The following TDRD3 variants were observed in gnomAD, a reference collection of about 807,000 sequenced individuals.
TDRD3 encodes the protein tudor domain containing 3.
TDRD3 carries 45 observed loss-of-function variants against 86.7 expected under a neutral mutation model. That is an observed-to-expected ratio of 0.52 (90% CI 0.41 to 0.67). The LOEUF (loss-of-function observed/expected upper bound fraction) is 0.67. Among genes scored for constraint, TDRD3 ranks in the 30% least tolerant of loss-of-function variants. TDRD3 has a pLI of 0.00. For synonymous variants in TDRD3, 298 were observed against 301.7 expected, an observed-to-expected ratio of 0.99 and a Z score of 0.13; for missense variants, 814 against 889.0, an observed-to-expected ratio of 0.92 and a Z score of 1.07.
intron 7 of TDRD3, among the ~76,000 whole-genome samples, chr13:60,489,878 G>A (rs908255926): frequency 5.9e-5 from 9 of 151,970 alleles, no homozygotes; most frequent in African/African-American, 2.2e-4. Flanking sequence ...ATAGAAAGAT[G>A]TTCTTTTGAT....
chr13:60,538,731 C>G (rs745900232), intron 12 of TDRD3, among the ~76,000 whole-genome samples: 13 of 152,052 alleles, frequency 8.5e-5, no homozygotes, highest in African/African-American at 1.2e-4. Context: ...AACTCTAAAA[C>G]GAATTCCAGG....
At chr13:60,509,100 G>A (rs906994592) in intron 8 of TDRD3, among the ~76,000 whole-genome samples, 2 of 152,110 alleles carry the variant, frequency 1.3e-5, no homozygotes, top group Non-Finnish European at 2.9e-5. Context: ...TTAAAGTTTT[G>A]TTTTTCTCAG....
At chr13:60,452,412 ATTC>A (rs1241790394) in intron 3 of TDRD3, among the ~76,000 whole-genome samples, 7 of 151,980 alleles carry the variant, frequency 4.6e-5, no homozygotes, top group East Asian at 1.9e-4. Flanking sequence ...TATATATTCT[ATTC>A]TTCTTCTTAT....
intron 11 of TDRD3, among the ~76,000 whole-genome samples, chr13:60,530,606 A>T (rs532131892): frequency 4.2e-4 from 63 of 150,234 alleles, no homozygotes; most frequent in African/African-American, 1.4e-3. Context: ...ATGCCCAGCT[A>T]ATTTTTTGTA....
chr13:60,514,583 A>C (rs1344746209), intron 10 of TDRD3, among the ~76,000 whole-genome samples: 2 of 152,048 alleles, frequency 1.3e-5, no homozygotes. Flanking sequence ...GTTAAGACTG[A>C]GGGGAAGTGT....
intron 13 of TDRD3, among the ~76,000 whole-genome samples, chr13:60,572,117 A>C (rs1958600043): frequency 6.6e-6 from 1 of 152,172 alleles, no homozygotes; most frequent in Non-Finnish European, 1.5e-5. Flanking sequence ...GATACTAATT[A>C]GTAGGAGCAG....
At chr13:60,477,297 C>T (rs1247432784) in intron 5 of TDRD3, among the ~76,000 whole-genome samples, 1 of 151,884 alleles carries the variant, frequency 6.6e-6, no homozygotes, top group African/African-American at 2.4e-5. Flanking sequence ...TCAATACAAC[C>T]TTGAACTCCT....
rs759917770 is a variant in TDRD3 at position 60,528,840 on chromosome 13, C to G, written c.1615C>G (p.Gln539Glu). 6.2e-7 allele frequency: 1 copy of G among 1,613,602 alleles called. No individual in the cohort carries two copies. Among genetic ancestry groups the G allele is most frequent in the Non-Finnish European group, 8.5e-7 (1 of 1,179,846 alleles). ...TCAAAAACGTGGAAAAAGAGAAAGCCAAACATCTATTCCTGATTATTTTTA... is the reference window on the plus strand; with the variant it reads ...TCAAAAACGTGGAAAAAGAGAAAGCGAAACATCTATTCCTGATTATTTTTA... The part of the protein sequence containing the change: ...NNQKRGKRES[Q>E]TSIPDYFYDR... Residue 539 changes from glutamine to glutamate, a missense_variant, in exon 11 of 14, where the codon CAA becomes GAA. Transcript: ENST00000377881.
chr13:60,539,779 T>C (rs1022823711), intron 12 of TDRD3, among the ~76,000 whole-genome samples: 2 of 151,848 alleles, frequency 1.3e-5, no homozygotes, highest in Non-Finnish European at 2.9e-5. Flanking sequence ...AAAAGAAAAA[T>C]AGAACCTTCC....
intron 1 of TDRD3, among the ~76,000 whole-genome samples, chr13:60,405,347 C>A (rs1161244189): frequency 3.9e-5 from 6 of 152,002 alleles, no homozygotes; most frequent in South Asian, 2.1e-4. Context: ...AGAAAAAAAA[C>A]CCATTAATTA....
At chr13:60,421,355 G>A (rs1019195051) in intron 1 of TDRD3, among the ~76,000 whole-genome samples, 4 of 152,094 alleles carry the variant, frequency 2.6e-5, no homozygotes, top group African/African-American at 9.7e-5. Flanking sequence ...ATCTCATGAG[G>A]CTTACTTACT....
At chr13:60,399,912 T>G (rs1419837607) in intron 1 of TDRD3, among the ~76,000 whole-genome samples, 3 of 152,210 alleles carry the variant, frequency 2.0e-5, no homozygotes, top group Non-Finnish European at 4.4e-5. Context: ...TTTACATTAT[T>G]TTTAAGCGCA....
At chr13:60,561,007 A>AT (rs1458662423) in intron 12 of TDRD3, among the ~76,000 whole-genome samples, 1 of 152,124 alleles carries the variant, frequency 6.6e-6, no homozygotes, top group Non-Finnish European at 1.5e-5. Flanking sequence ...ATAAAAAGAG[A>AT]TTATCTTAGA....
intron 3 of TDRD3, 123 bp from the exon 4 acceptor site, chr13:60,460,257 T>G: frequency 1.2e-6 from 1 of 818,818 alleles, no homozygotes; most frequent in Non-Finnish European, 1.8e-6. Context: ...CAATCTTAAT[T>G]GAAGTTATTA....
intron 5 of TDRD3, among the ~76,000 whole-genome samples, chr13:60,468,377 C>T (rs1469860658): frequency 6.6e-6 from 1 of 152,150 alleles, no homozygotes; most frequent in Non-Finnish European, 1.5e-5. Flanking sequence ...CTTTTAGACC[C>T]AGATCAAATG....
chr13:60,409,597 A>G (rs1954311215), intron 1 of TDRD3, among the ~76,000 whole-genome samples: 1 of 152,116 alleles, frequency 6.6e-6, no homozygotes, highest in Non-Finnish European at 1.5e-5. Flanking sequence ...GTCCCACTAG[A>G]TTTCAGACTT....
chr13:60,503,112 A>G (rs1214216171), intron 8 of TDRD3, among the ~76,000 whole-genome samples: 3 of 152,220 alleles, frequency 2.0e-5, no homozygotes, highest in Non-Finnish European at 4.4e-5. Context: ...TCTAAGAAAA[A>G]TAAAAAAGGT....
chr13:60,413,117 G>T (rs180683475), intron 1 of TDRD3, among the ~76,000 whole-genome samples: 2 of 151,558 alleles, frequency 1.3e-5, no homozygotes, highest in African/African-American at 4.8e-5. Flanking sequence ...ATGTGAAAAT[G>T]CTGCCAAGGA....
intron 10 of TDRD3, among the ~76,000 whole-genome samples, chr13:60,513,664 T>C (rs1226920388): frequency 6.6e-6 from 1 of 152,194 alleles, no homozygotes; most frequent in Non-Finnish European, 1.5e-5. Flanking sequence ...CGAGATGTTC[T>C]TGTGATAGTG....
Sources: allele counts gnomAD v4.1 joint callset (sites outside exome capture counted in the v4.1 genomes callset), GRCh38; gene constraint gnomAD v4.1.1; transcripts MANE v1.5; gene names NCBI Gene and HGNC (gene_info 2026-07-23, HGNC 2026-07-21).